The following PTPRD variants were observed in gnomAD, a reference collection of about 807,000 sequenced individuals.
PTPRD encodes protein tyrosine phosphatase receptor type D.
Under a neutral mutation model 214.5 loss-of-function variants are expected in PTPRD, and 34 were observed. The observed-to-expected ratio is 0.16, with a 90% CI of 0.12 to 0.21. The LOEUF (loss-of-function observed/expected upper bound fraction) is 0.21, where lower values mean the gene tolerates loss of function less well. Ranked by LOEUF, PTPRD falls within the 10% of genes least tolerant of loss-of-function variation. The pLI is 1.00. For synonymous variants in PTPRD, 1,128 were observed against 845.7 expected, an observed-to-expected ratio of 1.33 and a Z score of -5.79; for missense variants, 2,545 against 2,398.7, an observed-to-expected ratio of 1.06 and a Z score of -1.27.
At chr9:9,509,321 T>A (rs1264096469) in intron 8 of PTPRD, among the ~76,000 whole-genome samples, 2 of 151,534 alleles carry the variant, frequency 1.3e-5, no homozygotes, top group Non-Finnish European at 3.0e-5. Context: ...AATATAAATA[T>A]AGAAATTGAC....
At chr9:10,556,041 T>C (rs2062503005) in intron 2 of PTPRD, among the ~76,000 whole-genome samples, 1 of 152,140 alleles carries the variant, frequency 6.6e-6, no homozygotes. Context: ...AGTAACAAAA[T>C]AGTTTTTAAA....
chr9:9,325,096 C>A (rs1969203571), intron 9 of PTPRD, among the ~76,000 whole-genome samples: 1 of 152,248 alleles, frequency 6.6e-6, no homozygotes. Flanking sequence ...TTACTGTAGC[C>A]TTGTAGTATA....
At chr9:9,264,116 G>C (rs1937774146) in intron 9 of PTPRD, among the ~76,000 whole-genome samples, 1 of 151,524 alleles carries the variant, frequency 6.6e-6, no homozygotes, top group South Asian at 2.1e-4. Context: ...AAGACTTCAA[G>C]GATTTAATGC....
At chr9:10,328,704 A>T (rs1372709244) in intron 3 of PTPRD, among the ~76,000 whole-genome samples, 2 of 151,850 alleles carry the variant, frequency 1.3e-5, no homozygotes, top group Non-Finnish European at 2.9e-5. Context: ...GAATGAATTC[A>T]TCTCTATGCA....
chr9:10,135,835 C>A (rs968521084), intron 3 of PTPRD, among the ~76,000 whole-genome samples: 1 of 151,666 alleles, frequency 6.6e-6, no homozygotes, highest in African/African-American at 2.4e-5. Context: ...TCTACAAAAA[C>A]AACCAGCTAA....
chr9:9,955,559 T>C (rs1047658566), intron 4 of PTPRD, among the ~76,000 whole-genome samples: 3 of 151,028 alleles, frequency 2.0e-5, no homozygotes, highest in African/African-American at 4.9e-5. Flanking sequence ...AGTCTCGCTC[T>C]GTCGCCCAGG....
At chr9:10,532,643 TA>T (rs2056698340) in intron 2 of PTPRD, among the ~76,000 whole-genome samples, 2 of 147,974 alleles carry the variant, frequency 1.4e-5, no homozygotes, top group Non-Finnish European at 3.0e-5. Context: ...TAGATATTTC[TA>T]ATATATATAT....
At chr9:9,392,736 G>T (rs536125540) in intron 9 of PTPRD, among the ~76,000 whole-genome samples, 17 of 152,268 alleles carry the variant, frequency 1.1e-4, no homozygotes, top group African/African-American at 4.1e-4. Flanking sequence ...ATGACCCACT[G>T]TTATTGGAAT....
Position 8,753,657 on chromosome 9 carries a change from A to G in PTPRD, c.-103-19711T>C, listed in dbSNP as rs185332909. Reference sequence around the variant, plus strand: ...CAAGGCTGCTAAATACAAGATCAATATAAGAAACCAACTGTATTCAGAATA... The same window carrying G: ...CAAGGCTGCTAAATACAAGATCAATGTAAGAAACCAACTGTATTCAGAATA... On this transcript the variant is annotated intron_variant, in intron 11 of 45. Transcript: ENST00000381196. Among the ~76,000 whole-genome samples, 445 of 152,362 alleles carry G rather than the reference A, an allele frequency of 2.9e-3. 4 individuals carry two copies. Among genetic ancestry groups the G allele is most frequent in the Admixed American group, 3.9e-3 (60 of 15,308 alleles).
At chr9:8,622,451 G>A (rs995726116) in intron 14 of PTPRD, among the ~76,000 whole-genome samples, 2 of 151,952 alleles carry the variant, frequency 1.3e-5, no homozygotes, top group African/African-American at 4.8e-5. Context: ...TTGAAAAGGT[G>A]TAAGCTGAAT....
At chr9:9,154,467 G>C (rs2099879522) in intron 10 of PTPRD, among the ~76,000 whole-genome samples, 2 of 152,144 alleles carry the variant, frequency 1.3e-5, no homozygotes, top group African/African-American at 4.8e-5. Context: ...CAGGGAGAGA[G>C]AGAGAGCAAG....
chr9:9,987,182 A>G (rs2095745108), intron 4 of PTPRD, among the ~76,000 whole-genome samples: 1 of 152,204 alleles, frequency 6.6e-6, no homozygotes, highest in Admixed American at 6.5e-5. Flanking sequence ...TAGGCTGACT[A>G]TTAATAGAAA....
At chr9:9,207,867 T>C (rs942250118) in intron 9 of PTPRD, among the ~76,000 whole-genome samples, 4 of 151,840 alleles carry the variant, frequency 2.6e-5, no homozygotes, top group South Asian at 4.2e-4. Flanking sequence ...TAGAGAACCA[T>C]GACTGCAAAA....
intron 3 of PTPRD, among the ~76,000 whole-genome samples, chr9:10,151,900 C>T (rs1477821515): frequency 6.6e-6 from 1 of 152,176 alleles, no homozygotes; most frequent in African/African-American, 2.4e-5. Context: ...ATAATTTGTA[C>T]TATCCTATGC....
At position 9,046,691 on chromosome 9, in the gene PTPRD, T is replaced by C. The variant is rs1253704762; in HGVS notation, c.-142-27956A>G. Among the ~76,000 whole-genome samples the C allele has an allele frequency of 2.0e-5, 3 of 152,178 alleles. No individual in the cohort carries two copies. The East Asian group carries it at 5.8e-4, about 29-fold the overall frequency. On this transcript the variant is annotated intron_variant, in intron 10 of 45. Coordinates refer to ENST00000381196, the MANE Select transcript of PTPRD (RefSeq NM_002839.4). ...TAGGCTTTGCAAGACATGAAATCTCTTCTGTAATCATGCAGGCAATTTTGT... is the reference window on the plus strand; with the variant it reads ...TAGGCTTTGCAAGACATGAAATCTCCTCTGTAATCATGCAGGCAATTTTGT...
chr9:8,696,859 T>G (rs751484394), intron 12 of PTPRD, among the ~76,000 whole-genome samples: 2 of 152,184 alleles, frequency 1.3e-5, no homozygotes, highest in Non-Finnish European at 2.9e-5. Context: ...TTCCCTTTCT[T>G]AGTATTCCTG....
At chr9:9,332,473 T>C (rs576618236) in intron 9 of PTPRD, among the ~76,000 whole-genome samples, 1 of 151,954 alleles carries the variant, frequency 6.6e-6, no homozygotes, top group African/African-American at 2.4e-5. Flanking sequence ...AGATACCTAT[T>C]ATCACACTGT....
intron 10 of PTPRD, among the ~76,000 whole-genome samples, chr9:9,070,794 C>T (rs116377523): frequency 6.6e-6 from 1 of 152,250 alleles, no homozygotes; most frequent in African/African-American, 2.4e-5. Context: ...ATAAGTAAAA[C>T]ACTCAATGTG....
At chr9:9,097,998 G>A (rs2099786090) in intron 10 of PTPRD, among the ~76,000 whole-genome samples, 1 of 151,958 alleles carries the variant, frequency 6.6e-6, no homozygotes, top group Admixed American at 6.6e-5. Context: ...ATAACTCAGT[G>A]GTCAAGGGAT....
Sources: gnomAD v4.1 joint callset for allele counts (sites outside exome capture counted in the v4.1 genomes callset) on GRCh38, gnomAD v4.1.1 for gene constraint, MANE v1.5 for transcripts, NCBI Gene and HGNC (gene_info 2026-07-23, HGNC 2026-07-21) for gene names.